MVD: variants seen among roughly 807,000 people sequenced by gnomAD.
MVD encodes mevalonate diphosphate decarboxylase, also known as diphosphomevalonate decarboxylase.
Under a neutral mutation model 42.4 loss-of-function variants are expected in MVD, and 52 were observed. The ratio of observed to expected loss-of-function variants is 1.23; its 90% CI spans 0.98 to 1.55. MVD has a LOEUF of 1.55. Ranked by LOEUF, MVD falls within the 40% of genes most tolerant of loss-of-function variation. The pLI is 0.00. For synonymous variants in MVD, 287 were observed against 243.2 expected (o/e 1.18, Z -1.68); for missense variants, 663 against 572.1 (o/e 1.16, Z -1.62).
Position 88,655,006 on chromosome 16 carries a change from C to T in MVD, c.897+193G>A, listed in dbSNP as rs552170907. 108 of 880,162 alleles carry T rather than the reference C, an allele frequency of 1.2e-4. 3 individuals carry two copies. The South Asian group carries it at 1.7e-3, about 14-fold the overall frequency. The allele number at this position is 880,162 out of a possible 1,614,324, so 54.5% of individuals were successfully genotyped here. ...GAACCCAGGAAGAAGGTGGTGGGGCCGTGACCCGGGCAAGTCAAGAAACAA... is the reference window on the plus strand; with the variant it reads ...GAACCCAGGAAGAAGGTGGTGGGGCTGTGACCCGGGCAAGTCAAGAAACAA... On this transcript the variant is annotated intron_variant, in intron 7 of 9. Coordinates refer to ENST00000301012, the MANE Select transcript of MVD (RefSeq NM_002461.3).
At position 88,658,728 on chromosome 16, in the gene MVD, G is replaced by A. The variant is rs751352692; in HGVS notation, c.71-8C>T. On this transcript the variant is annotated splice_polypyrimidine_tract_variant and splice_region_variant and intron_variant, in intron 1 of 9. Coordinates refer to ENST00000301012, the MANE Select transcript of MVD (RefSeq NM_002461.3). The stretch of plus-strand genomic sequence containing the variant: ...CTTCATCGCGCTTGCCCCCTGTAAT[G>A]AACAGCCAGGGCCAGGCCGGTGGGC... The A allele has an allele frequency of 9.3e-6, 15 of 1,609,858 alleles. No homozygotes were observed. In the Admixed American group the frequency reaches 2.3e-4, roughly 25 times the overall value.
intron 3 of MVD, 118 bp from the exon 4 acceptor site, chr16:88,657,700 G>A (rs1908023044): frequency 6.9e-7 from 1 of 1,450,876 alleles, no homozygotes; most frequent in African/African-American, 1.4e-5. Flanking sequence ...GACTCCTCGT[G>A]GAGAGTTTCT....
Position 88,658,650 on chromosome 16 carries a change from C to T in MVD, c.141G>A (p.Gln47=), listed in dbSNP as rs756932893. The T allele has an allele frequency of 3.7e-6, 6 of 1,613,428 alleles. No individual in the cohort carries two copies. The African/African-American group carries it at 8.0e-5, about 22-fold the overall frequency. Residue 47 remains glutamine (Q), a splice_region_variant and synonymous_variant, in exon 2 of 10, where the codon CAG becomes CAA. Transcript: ENST00000301012. ...TGTTTAGTCGTCAGTCCACACATAC[C>T]TGGTCCTGGTGCAGAGTGACGCTCA... ...SSLSVTLHQD[Q]LKTTTTAVIS... is the part of the protein sequence containing the mutation.
chr16:88,656,765 G>C (rs1907955327), intron 4 of MVD: 1 of 253,872 alleles, frequency 3.9e-6, no homozygotes, highest in Non-Finnish European at 7.8e-6. Flanking sequence ...CTCCAGCAGG[G>C]CAACCCCACC....
chr16:88,654,638 C>G, intron 8 of MVD, 54 bp downstream of exon 8: 2 of 1,542,706 alleles, frequency 1.3e-6, no homozygotes, highest in South Asian at 2.4e-5. Flanking sequence ...CTCTTCCGAC[C>G]AGAGTTCCTG....
In MVD at chr16:88,655,728, C is replaced by T. The variant is rs775380452; in HGVS notation, c.606G>A (p.Val202=). 3.0e-5 allele frequency: 46 copies of T among 1,555,898 alleles called. No homozygotes were observed. Among genetic ancestry groups the T allele is most frequent in the Non-Finnish European group, 3.8e-5 (44 of 1,150,048 alleles). ...WPELRVLILV[V]SAEKKLTGST... is the part of the protein sequence containing the mutation. Reference sequence around the variant, plus strand: ...TGCCTGTCAGCTTCTTCTCAGCGCTCACCTGCACGAGGGAGAGACAGCCTG... The same window carrying T: ...TGCCTGTCAGCTTCTTCTCAGCGCTTACCTGCACGAGGGAGAGACAGCCTG... Residue 202 remains valine (V), a splice_region_variant and synonymous_variant, in exon 6 of 10, where the codon GTG becomes GTA. Coordinates refer to ENST00000301012, the MANE Select transcript of MVD (RefSeq NM_002461.3).
At chr16:88,662,109 T>G (rs1454075913) in intron 1 of MVD, 1 of 152,156 alleles carries the variant, frequency 6.6e-6, no homozygotes, top group Non-Finnish European at 1.5e-5. Context: ...TACAACATTT[T>G]ATGGCAGCTT....
intron 1 of MVD, chr16:88,662,187 A>G (rs548720497): frequency 2.6e-5 from 4 of 152,366 alleles, no homozygotes; most frequent in African/African-American, 9.6e-5. Context: ...AAAGAAAGAA[A>G]GAAAGAAAAC....
At chr16:88,657,221 C>T (rs6500486) in intron 4 of MVD, 84,509 of 742,778 alleles carry the variant, frequency 0.11, 5,338 homozygotes, top group South Asian at 0.14. Flanking sequence ...ACTGGGATTA[C>T]AGGCGAGAGC....
At chr16:88,656,336 A>G in intron 4 of MVD, 32 bp from the exon 5 acceptor site, 1 of 1,596,440 alleles carries the variant, frequency 6.3e-7, no homozygotes. Flanking sequence ...GAGGGTCCTC[A>G]GAGCTGCCTG....
Position 88,658,576 on chromosome 16 carries a change from C to T in MVD, c.141+74G>A, listed in dbSNP as rs1402225787. On this transcript the variant is annotated intron_variant, in intron 2 of 9. Coordinates refer to ENST00000301012, the MANE Select transcript of MVD (RefSeq NM_002461.3). The stretch of plus-strand genomic sequence containing the variant: ...GGGATTGCAGATGTGAGCCACCATA[C>T]CCAACGGGTACCAACTGTTCTACAA... 10 of 1,475,622 alleles carry T rather than the reference C, an allele frequency of 6.8e-6. 1 individual carries two copies. In the South Asian group the frequency reaches 7.1e-5, roughly 11 times the overall value. 91.4% of individuals were successfully genotyped at this position (1,475,622 alleles called of 1,614,324 possible).
chr16:88,658,529 C>T (rs1173205565), intron 2 of MVD, 121 bp downstream of exon 2: 15 of 972,248 alleles, frequency 1.5e-5, no homozygotes, highest in Non-Finnish European at 6.3e-6. Flanking sequence ...TGCCTGGGCT[C>T]AAGAGACTCT....
chr16:88,658,153 AG>A (rs1290579392), intron 2 of MVD, 124 bp from the exon 3 acceptor site: 97 of 909,252 alleles, frequency 1.1e-4, no homozygotes, highest in Non-Finnish European at 1.3e-4. Flanking sequence ...TGCTGAGGGC[AG>A]GGGGGGAAAG....
chr16:88,654,782 G>T lies in MVD; in HGVS notation c.923C>A (p.Pro308His). 6.3e-7 allele frequency: 1 copy of T among 1,594,106 alleles called. No homozygotes were observed. Among genetic ancestry groups the T allele is most frequent in the Non-Finnish European group, 8.5e-7 (1 of 1,172,244 alleles). ...TKVAYTFDAG[P>H]NAVIFTLDDT... ...GTCCAGGGTGAAGATCACGGCATTG[G>T]GGCCCGCGTCAAAGGTGTACGCCAC... The change falls in exon 8 of 10, where the codon CCC becomes CAC. Residue 308 changes from proline (P) to histidine (H), a missense_variant. Pro to His is a moderately conservative substitution (Grantham distance 77, BLOSUM62 -2). Transcript: ENST00000301012.
At chr16:88,655,148 A>G in intron 7 of MVD, 51 bp downstream of exon 7, 1 of 1,536,658 alleles carries the variant, frequency 6.5e-7, no homozygotes. Context: ...GCACAAGCCT[A>G]GACACGCGCT....
chr16:88,656,019 G>T lies in MVD; in HGVS notation c.603+86C>A, dbSNP rs950944339. The T allele has an allele frequency of 7.4e-6, 11 of 1,494,672 alleles. No homozygotes were observed. The Admixed American group carries it at 1.4e-4, about 18-fold the overall frequency. 92.6% of individuals were successfully genotyped at this position (1,494,672 alleles called of 1,614,324 possible). On this transcript the variant is annotated intron_variant, in intron 5 of 9. Coordinates refer to ENST00000301012, the MANE Select transcript of MVD (RefSeq NM_002461.3). ...CCAGGAGCCAAGCAAAGCCTGGATG[G>T]ACGCCTTCGCTCCTGCTCCCGGCAG...
chr16:88,653,492 G>A (rs1907711985), intron 8 of MVD, 84 bp from the exon 9 acceptor site: 2 of 1,167,632 alleles, frequency 1.7e-6, no homozygotes, highest in Non-Finnish European at 2.4e-6. Flanking sequence ...GTCCAGAGAT[G>A]GGAAGTGCAT....
chr16:88,656,930 C>A, intron 4 of MVD: 1 of 319,190 alleles, frequency 3.1e-6, no homozygotes, highest in East Asian at 9.3e-5. Flanking sequence ...TGGGAAGCTG[C>A]CAGCAAGTGG....
chr16:88,653,542 G>A lies in MVD; in HGVS notation c.1014-134C>T, dbSNP rs1453865377. Reference sequence around the variant, plus strand: ...GCTCAGGGAGGGGGAGACGGCAGGTGGCTGCTGTGGGGACAGGTTTCTTTT... The same window carrying A: ...GCTCAGGGAGGGGGAGACGGCAGGTAGCTGCTGTGGGGACAGGTTTCTTTT... On this transcript the variant is annotated intron_variant, in intron 8 of 9. Coordinates refer to ENST00000301012, the MANE Select transcript of MVD (RefSeq NM_002461.3). 9 of 690,562 alleles carry A rather than the reference G, an allele frequency of 1.3e-5. No homozygotes were observed. In the African/African-American group the frequency reaches 1.7e-4, roughly 13 times the overall value. 42.8% of individuals were successfully genotyped at this position (690,562 alleles called of 1,614,324 possible). A position where few individuals can be genotyped will look rare whatever the true frequency, so the allele number is the denominator to read the frequency against.
Sources: gnomAD v4.1 joint callset for allele counts on GRCh38, gnomAD v4.1.1 for gene constraint, MANE v1.5 for transcripts, NCBI Gene and HGNC (gene_info 2026-07-23, HGNC 2026-07-21) for gene names.